Variants in PDE10A observed in about 807,000 individuals in gnomAD.
The protein encoded by PDE10A is phosphodiesterase 10A.
A neutral mutation model predicts 97.7 loss-of-function variants in PDE10A; 39 were observed. That is an observed-to-expected ratio of 0.40 (90% CI 0.31 to 0.52). The LOEUF is 0.52. PDE10A is among the 20% of genes least tolerant of loss of function. PDE10A has a pLI of 0.56. For missense variants in PDE10A, 731 were observed against 1,047.8 expected (o/e 0.70, Z 4.17); for synonymous variants, 371 against 376.8 (o/e 0.98, Z 0.18).
At chr6:165,391,134 G>A (rs1000251558) in intron 16 of PDE10A, among the ~76,000 whole-genome samples, 2 of 152,206 alleles carry the variant, frequency 1.3e-5, no homozygotes, top group South Asian at 4.1e-4. Flanking sequence ...AATGTATAAA[G>A]AATCACCCTT....
intron 13 of PDE10A, among the ~76,000 whole-genome samples, chr6:165,402,066 T>C (rs1303735534): frequency 1.3e-5 from 2 of 152,190 alleles, no homozygotes; most frequent in African/African-American, 4.8e-5. Context: ...ACTGCTACTA[T>C]AGTCACTAAT....
At chr6:165,422,497 G>A (rs373261323) in intron 10 of PDE10A, among the ~76,000 whole-genome samples, 13 of 145,118 alleles carry the variant, frequency 9.0e-5, no homozygotes, top group African/African-American at 3.1e-4. Context: ...CTATGCATAC[G>A]TTTACCTATA....
At chr6:165,945,248 C>T (rs1783728802) in intron 1 of PDE10A, among the ~76,000 whole-genome samples, 1 of 152,152 alleles carries the variant, frequency 6.6e-6, no homozygotes, top group Non-Finnish European at 1.5e-5. Context: ...GAATCAGTTC[C>T]TCCAGCCCCA....
intron 1 of PDE10A, among the ~76,000 whole-genome samples, chr6:165,707,733 G>A (rs1241495239): frequency 6.6e-6 from 1 of 152,038 alleles, no homozygotes; most frequent in African/African-American, 2.4e-5. Context: ...GAGTGTATGT[G>A]TGAGTGTGTG....
At chr6:165,479,113 A>C (rs908980166) in intron 3 of PDE10A, among the ~76,000 whole-genome samples, 4 of 152,174 alleles carry the variant, frequency 2.6e-5, no homozygotes, top group Admixed American at 2.6e-4. Context: ...GCTTCTAAGT[A>C]GACTGTAACA....
chr6:165,788,453 G>T (rs1778553614), intron 1 of PDE10A, among the ~76,000 whole-genome samples: 1 of 126,078 alleles, frequency 7.9e-6, no homozygotes, highest in Non-Finnish European at 1.6e-5. Context: ...GGAGGCGGAG[G>T]TTTGCCATGA....
chr6:165,456,853 G>A (rs76385194), intron 3 of PDE10A, among the ~76,000 whole-genome samples: 2,468 of 152,252 alleles, frequency 0.016, 81 homozygotes, highest in African/African-American at 0.056. Context: ...ACAGCAAAAT[G>A]TTTTTACTAT....
chr6:165,842,183 A>T (rs577102106), intron 1 of PDE10A, among the ~76,000 whole-genome samples: 6 of 152,358 alleles, frequency 3.9e-5, no homozygotes, highest in Admixed American at 3.9e-4. Context: ...TAAAAACTTG[A>T]AAGATAATGT....
At chr6:165,958,729 AAGAAAGAAAGAAAGAAAG>A (rs1433876312) in intron 1 of PDE10A, among the ~76,000 whole-genome samples, 655 of 14,716 alleles carry the variant, frequency 0.045, 21 homozygotes, top group East Asian at 0.43. Context: ...GAAAGAAAGA[AAGAAAGAAAGAAAGAAAG>A]AGAAAGAAAG....
chr6:165,358,441 G>T (rs1280026507), intron 18 of PDE10A, among the ~76,000 whole-genome samples: 3 of 150,192 alleles, frequency 2.0e-5, no homozygotes, highest in Non-Finnish European at 3.0e-5. Context: ...GAGTAAACTT[G>T]ACCTCTTTAT....
chr6:165,903,560 T>G (rs1046119830), intron 1 of PDE10A, among the ~76,000 whole-genome samples: 1 of 152,148 alleles, frequency 6.6e-6, no homozygotes, highest in Non-Finnish European at 1.5e-5. Context: ...TTAGACATGT[T>G]GAGTTTGAGG....
At chr6:165,917,306 C>A (rs1339363596) in intron 1 of PDE10A, among the ~76,000 whole-genome samples, 1 of 118,768 alleles carries the variant, frequency 8.4e-6, no homozygotes, top group Non-Finnish European at 1.9e-5. Context: ...GGTCTCACTG[C>A]ACCAAGAGCA....
At chr6:165,761,321 T>C (rs1252606318) in intron 1 of PDE10A, among the ~76,000 whole-genome samples, 1 of 152,226 alleles carries the variant, frequency 6.6e-6, no homozygotes, top group Non-Finnish European at 1.5e-5. Context: ...ATTAAAATGC[T>C]AAAGAAATTC....
chr6:165,963,763 C>A (rs1359640721), intron 1 of PDE10A, among the ~76,000 whole-genome samples: 2 of 152,164 alleles, frequency 1.3e-5, no homozygotes, highest in Admixed American at 1.3e-4. Context: ...AAGGTGGTAT[C>A]CCCTGCTGGC....
At chr6:165,629,893 A>C (rs1736176480) in intron 1 of PDE10A, among the ~76,000 whole-genome samples, 1 of 152,124 alleles carries the variant, frequency 6.6e-6, no homozygotes, top group Non-Finnish European at 1.5e-5. Flanking sequence ...TTTTTAATTA[A>C]AGAACAGTAG....
chr6:165,952,601 A>G (rs1000253841), intron 1 of PDE10A, among the ~76,000 whole-genome samples: 1 of 152,254 alleles, frequency 6.6e-6, no homozygotes. Flanking sequence ...GAGAAAACTC[A>G]CGGGAGGACT....
chr6:165,630,105 T>G (rs1788563687), intron 1 of PDE10A, among the ~76,000 whole-genome samples: 1 of 152,112 alleles, frequency 6.6e-6, no homozygotes, highest in Non-Finnish European at 1.5e-5. Context: ...CCCAGCACTT[T>G]GGGAGGCTGA....
chr6:165,666,589 T>A (rs539354263), upstream of PDE10A, among the ~76,000 whole-genome samples: 16 of 152,312 alleles, frequency 1.1e-4, no homozygotes, highest in Non-Finnish European at 1.9e-4. Flanking sequence ...ATACTTTATT[T>A]ACTACCTGGT....
rs1442814234 is a variant in PDE10A at position 165,515,764 on chromosome 6, C to T, written c.994+27676G>A. Among the ~76,000 whole-genome samples the T allele has an allele frequency of 7.2e-5, 11 of 152,084 alleles. No homozygotes were observed. In the East Asian group the frequency reaches 9.7e-4, roughly 13 times the overall value. On this transcript the variant is annotated intron_variant, in intron 2 of 21. Coordinates refer to ENST00000539869, the MANE Select transcript of PDE10A (RefSeq NM_001385079.1). ...CTCTCAAACTCCTGACCTCATGATC[C>T]GCCCACCTCGGCTTCCCAAAGTGCT...
Sources: gnomAD v4.1 joint callset for allele counts (sites outside exome capture counted in the v4.1 genomes callset) on GRCh38, gnomAD v4.1.1 for gene constraint, MANE v1.5 for transcripts, NCBI Gene and HGNC (gene_info 2026-07-23, HGNC 2026-07-21) for gene names.